The following CHST15 variants were observed in gnomAD, a reference collection of about 807,000 sequenced individuals.
CHST15 encodes the protein B cell RAG associated protein (GALNAC4S-6ST).
Under a neutral mutation model 53.6 loss-of-function variants are expected in CHST15, and 30 were observed. The observed-to-expected ratio is 0.56, with a 90% confidence interval of 0.42 to 0.76. CHST15 has a LOEUF of 0.76. CHST15 is among the 30% of genes least tolerant of loss of function. The probability of loss-of-function intolerance (pLI) is 0.00; values close to 1 mark genes in which losing one functional copy is unlikely to be tolerated. For missense variants in CHST15, 627 were observed against 740.5 expected (o/e 0.85, Z 1.78); for synonymous variants, 296 against 289.8 (o/e 1.02, Z -0.22).
At chr10:124,066,220 T>C (rs1456808395) in intron 1 of CHST15, among the ~76,000 whole-genome samples, 1 of 152,170 alleles carries the variant, frequency 6.6e-6, no homozygotes, top group East Asian at 1.9e-4. Flanking sequence ...ATTCCTCAAG[T>C]TACAGAGTGT....
chr10:124,035,843 C>T (rs1263667382), intron 5 of CHST15, among the ~76,000 whole-genome samples: 2 of 152,226 alleles, frequency 1.3e-5, no homozygotes, highest in Non-Finnish European at 2.9e-5. Context: ...TCTGGAGCCC[C>T]ACTCTCCTCA....
chr10:124,081,783 G>A (rs1186549875), intron 1 of CHST15, among the ~76,000 whole-genome samples: 1 of 152,172 alleles, frequency 6.6e-6, no homozygotes, highest in Non-Finnish European at 1.5e-5. Context: ...ACCTGGCCCA[G>A]GGAGATCTCC....
chr10:124,091,613 G>A (rs1255872867), intron 1 of CHST15, among the ~76,000 whole-genome samples: 2 of 152,252 alleles, frequency 1.3e-5, no homozygotes, highest in Non-Finnish European at 1.5e-5. Flanking sequence ...CAGCCTCACT[G>A]ACCGGCTTGT....
chr10:124,013,861 C>T (rs1004629397), intron 6 of CHST15, among the ~76,000 whole-genome samples: 4 of 152,198 alleles, frequency 2.6e-5, no homozygotes, highest in African/African-American at 9.6e-5. Context: ...CACCTCTCCC[C>T]AGTTCACACC....
chr10:124,008,384 T>C lies in CHST15; in HGVS notation c.*1765A>G. The C allele has an allele frequency of 6.0e-6, 6 of 1,006,594 alleles. No individual in the cohort carries two copies. In the South Asian group the frequency reaches 2.3e-4, roughly 39 times the overall value. The allele number at this position is 1,006,594 out of a possible 1,614,324, so 62.4% of individuals were successfully genotyped here. A position where few individuals can be genotyped will look rare whatever the true frequency, so the allele number is the denominator to read the frequency against. ...GCGCGCACTGTACTGCAAATAAATA[T>C]ACACACACACTGAAGTGATCTCTCC... On this transcript the variant is annotated 3_prime_UTR_variant, in exon 8 of 8. Transcript: ENST00000435907.
At position 124,060,550 on chromosome 10, in the gene CHST15, T is replaced by C. The variant is rs188992114; in HGVS notation, c.-512-13826A>G. Among the ~76,000 whole-genome samples, 929 of 143,450 alleles carry C rather than the reference T, an allele frequency of 6.5e-3. 39 individuals are homozygous for C. Among genetic ancestry groups the C allele is most frequent in the Admixed American group, 0.057 (825 of 14,600 alleles). 94.1% of individuals were successfully genotyped at this position (143,450 alleles called of 152,430 possible). The stretch of plus-strand genomic sequence containing the variant: ...TGGAGTTGTGCCAGACCCCCAGGGG[T>C]ATGTGGAGGTGTGCCAACCCCACCA... On this transcript the variant is annotated intron_variant, in intron 1 of 7. Transcript: ENST00000435907.
At chr10:124,082,810 A>C (rs1949291236) in intron 1 of CHST15, among the ~76,000 whole-genome samples, 1 of 152,260 alleles carries the variant, frequency 6.6e-6, no homozygotes, top group South Asian at 2.1e-4. Context: ...AAAAGAAGCC[A>C]GTCACAAAAG....
chr10:124,019,254 C>T lies in CHST15; in HGVS notation c.1347+2002G>A, dbSNP rs971377557. 6.6e-6 allele frequency among the ~76,000 whole-genome samples: 1 copy of T among 152,168 alleles called. No individual in the cohort carries two copies. Among genetic ancestry groups the T allele is most frequent in the Non-Finnish European group, 1.5e-5 (1 of 68,022 alleles). ...ACCCCACCTTGAGGCGTCATGCCAG[C>T]GCCCCTTTCCTCCTGCCAGCCCCAG... On this transcript the variant is annotated intron_variant, in intron 6 of 7. Coordinates refer to ENST00000435907, the MANE Select transcript of CHST15 (RefSeq NM_001270764.2). This position sits in a 1 kb window ranked among gnomAD's most constrained non-coding sequence, Gnocchi z 4.6.
chr10:124,023,252 A>T (rs956324270), intron 5 of CHST15, among the ~76,000 whole-genome samples: 1 of 152,058 alleles, frequency 6.6e-6, no homozygotes, highest in Non-Finnish European at 1.5e-5. Flanking sequence ...TAGGAGGCCG[A>T]GGTGGGAGGA....
intron 5 of CHST15, among the ~76,000 whole-genome samples, chr10:124,037,800 A>C (rs564648637): frequency 6.6e-6 from 1 of 152,362 alleles, no homozygotes; most frequent in South Asian, 2.1e-4. Context: ...GAAACTGTAC[A>C]TTCAACGCAG....
chr10:124,023,181 T>C (rs996091748), intron 5 of CHST15, among the ~76,000 whole-genome samples: 6 of 152,114 alleles, frequency 3.9e-5, no homozygotes, highest in African/African-American at 7.2e-5. Flanking sequence ...AAGGCCTGCA[T>C]TGCCATTTTA....
intron 5 of CHST15, among the ~76,000 whole-genome samples, chr10:124,028,472 ACGT>A (rs545050146): frequency 2.1e-3 from 317 of 152,284 alleles, no homozygotes; most frequent in African/African-American, 7.5e-3. Context: ...GAAATGATCC[ACGT>A]ACCGTAGCAT....
At chr10:124,054,620 G>C (rs1377886116) in intron 1 of CHST15, among the ~76,000 whole-genome samples, 2 of 152,198 alleles carry the variant, frequency 1.3e-5, no homozygotes, top group Non-Finnish European at 2.9e-5. Flanking sequence ...CCAGGCTTGG[G>C]AGTTGGGCAG....
At chr10:124,064,796 AC>A (rs1158358574) in intron 1 of CHST15, among the ~76,000 whole-genome samples, 1 of 151,542 alleles carries the variant, frequency 6.6e-6, no homozygotes, top group East Asian at 1.9e-4. Flanking sequence ...GCTCTTGCTC[AC>A]CCTTCAGATC....
At chr10:124,087,126 G>C (rs1233336510) in intron 1 of CHST15, among the ~76,000 whole-genome samples, 1 of 152,214 alleles carries the variant, frequency 6.6e-6, no homozygotes. Context: ...GGAAGGGTAA[G>C]ATAATACATC....
intron 1 of CHST15, among the ~76,000 whole-genome samples, chr10:124,076,768 G>A (rs1436433432): frequency 6.6e-6 from 1 of 150,806 alleles, no homozygotes; most frequent in African/African-American, 2.4e-5. Flanking sequence ...GGAGTGCAGT[G>A]GTGCGATCTC....
At chr10:124,030,400 A>G (rs1378503249) in intron 5 of CHST15, among the ~76,000 whole-genome samples, 1 of 152,256 alleles carries the variant, frequency 6.6e-6, no homozygotes, top group African/African-American at 2.4e-5. Context: ...GCTTCAATAA[A>G]GACACCGCAC....
chr10:124,011,086 A>G (rs1490611618), intron 7 of CHST15: 1 of 982,344 alleles, frequency 1.0e-6, no homozygotes, highest in Non-Finnish European at 1.2e-6. Context: ...GCTGTCAGTC[A>G]CGCACACGCC....
At chr10:124,044,154 A>G (rs1412210705) in intron 3 of CHST15, among the ~76,000 whole-genome samples, 4 of 149,410 alleles carry the variant, frequency 2.7e-5, no homozygotes, top group Admixed American at 6.6e-5. Context: ...AGAGCAGGAA[A>G]CGGCACAGAG....
Sources: allele counts gnomAD v4.1 joint callset (sites outside exome capture counted in the v4.1 genomes callset), GRCh38; gene constraint gnomAD v4.1.1; non-coding constraint Gnocchi (gnomAD v3.1); transcripts MANE v1.5; gene names NCBI Gene and HGNC (gene_info 2026-07-23, HGNC 2026-07-21).